The following PTPRD variants were observed in gnomAD, a reference collection of about 807,000 sequenced individuals.
PTPRD encodes the protein receptor-type tyrosine-protein phosphatase delta.
Under a neutral mutation model 214.5 loss-of-function variants are expected in PTPRD, and 34 were observed. That is an observed-to-expected ratio of 0.16 (90% CI 0.12 to 0.21). The LOEUF (loss-of-function observed/expected upper bound fraction) is 0.21. Ranked by LOEUF, PTPRD falls within the 10% of genes least tolerant of loss-of-function variation. PTPRD has a pLI of 1.00. For synonymous variants in PTPRD, 1,128 were observed against 845.7 expected, an observed-to-expected ratio of 1.33 and a Z score of -5.79; for missense variants, 2,545 against 2,398.7, an observed-to-expected ratio of 1.06 and a Z score of -1.27.
At position 9,881,713 on chromosome 9, in the gene PTPRD, C is replaced by G. The variant is rs975813071; in HGVS notation, c.-368+56794G>C. 6.6e-5 allele frequency among the ~76,000 whole-genome samples: 10 copies of G among 152,252 alleles called. No individual in the cohort carries two copies. In the South Asian group the frequency reaches 8.3e-4, roughly 13 times the overall value. On this transcript the variant is annotated intron_variant, in intron 5 of 45. Coordinates refer to ENST00000381196, the MANE Select transcript of PTPRD (RefSeq NM_002839.4). ...CTTTACCGCAACCGTCTCACACCCC[C>G]ACATCTCACTCTGTGACCTTCCAGG...
intron 2 of PTPRD, among the ~76,000 whole-genome samples, chr9:10,611,340 A>C (rs1376405275): frequency 2.0e-5 from 3 of 152,204 alleles, no homozygotes; most frequent in Non-Finnish European, 4.4e-5. Flanking sequence ...TAGATTCAGA[A>C]TCCATTTGGC....
At chr9:9,955,834 T>G (rs1587177459) in intron 4 of PTPRD, among the ~76,000 whole-genome samples, 1 of 152,112 alleles carries the variant, frequency 6.6e-6, no homozygotes, top group African/African-American at 2.4e-5. Context: ...TTTGGGTTCT[T>G]AAGAAAATAA....
chr9:9,491,463 A>G (rs923385133), intron 8 of PTPRD, among the ~76,000 whole-genome samples: 1 of 151,956 alleles, frequency 6.6e-6, no homozygotes, highest in Non-Finnish European at 1.5e-5. Flanking sequence ...TGTACAGAAT[A>G]CTCTTCCCAA....
intron 3 of PTPRD, among the ~76,000 whole-genome samples, chr9:10,309,188 T>C (rs75749048): frequency 0.021 from 3,178 of 152,126 alleles, 123 homozygotes; most frequent in African/African-American, 0.072. Flanking sequence ...TTCTAAACAA[T>C]TGAAGAGAAC....
At chr9:8,737,930 T>G (rs967810025) in intron 11 of PTPRD, among the ~76,000 whole-genome samples, 4 of 129,508 alleles carry the variant, frequency 3.1e-5, no homozygotes, top group African/African-American at 1.1e-4. Context: ...ATTATAGATG[T>G]GAGCCACTGC....
At chr9:9,030,521 T>C (rs913480821) in intron 10 of PTPRD, among the ~76,000 whole-genome samples, 1 of 151,730 alleles carries the variant, frequency 6.6e-6, no homozygotes, top group Non-Finnish European at 1.5e-5. Flanking sequence ...TGGCTGCCTC[T>C]CTAGGATTGC....
chr9:10,010,133 A>G lies in PTPRD; in HGVS notation c.-472+23585T>C, dbSNP rs114637336. 6.6e-3 allele frequency among the ~76,000 whole-genome samples: 996 copies of G among 152,026 alleles called. 10 individuals carry two copies. Among genetic ancestry groups the G allele is most frequent in the African/African-American group, 0.022 (910 of 41,506 alleles). ...GGTTGGTATTATTATCTTCATTTTA[A>G]GTTGAGAAAACAAATTTAGGAAATT... On this transcript the variant is annotated intron_variant, in intron 4 of 45. Transcript: ENST00000381196.
chr9:10,475,509 A>G (rs1310465858), intron 2 of PTPRD, among the ~76,000 whole-genome samples: 1 of 152,152 alleles, frequency 6.6e-6, no homozygotes, highest in Non-Finnish European at 1.5e-5. Context: ...CCAACCAAAA[A>G]AAAGCCCAGG....
chr9:9,613,272 T>A (rs2094640003), intron 7 of PTPRD, among the ~76,000 whole-genome samples: 1 of 151,508 alleles, frequency 6.6e-6, no homozygotes, highest in Admixed American at 6.6e-5. Flanking sequence ...ATTACATTGA[T>A]AATGAACATA....
At chr9:9,708,588 G>T (rs56273998) in intron 7 of PTPRD, among the ~76,000 whole-genome samples, 1 of 151,810 alleles carries the variant, frequency 6.6e-6, no homozygotes, top group Non-Finnish European at 1.5e-5. Flanking sequence ...AGGACAACCC[G>T]ATTTCAAAGT....
At chr9:9,134,791 C>G (rs1168924648) in intron 10 of PTPRD, among the ~76,000 whole-genome samples, 5 of 149,732 alleles carry the variant, frequency 3.3e-5, no homozygotes, top group African/African-American at 1.0e-4. Flanking sequence ...TCCTTGAAAT[C>G]TGGTATTTGG....
chr9:9,661,780 A>G (rs2096626750), intron 7 of PTPRD, among the ~76,000 whole-genome samples: 2 of 151,934 alleles, frequency 1.3e-5, no homozygotes, highest in Non-Finnish European at 3.0e-5. Flanking sequence ...AAAGAGAAGG[A>G]AAAAGGGAGA....
chr9:8,971,501 A>G (rs760121715), intron 11 of PTPRD, among the ~76,000 whole-genome samples: 4 of 151,802 alleles, frequency 2.6e-5, no homozygotes, highest in Admixed American at 6.6e-5. Flanking sequence ...CTAATTCACA[A>G]AGTTATTGTG....
intron 3 of PTPRD, among the ~76,000 whole-genome samples, chr9:10,325,036 T>C (rs2096618782): frequency 6.6e-6 from 1 of 152,054 alleles, no homozygotes; most frequent in African/African-American, 2.4e-5. Context: ...CCCTAGTATA[T>C]GTTAAAGTTG....
chr9:9,589,229 C>A (rs2092444438), intron 7 of PTPRD, among the ~76,000 whole-genome samples: 1 of 151,800 alleles, frequency 6.6e-6, no homozygotes, highest in Non-Finnish European at 1.5e-5. Context: ...AAACATAGCA[C>A]ATAGTAGCAT....
intron 39 of PTPRD, among the ~76,000 whole-genome samples, chr9:8,344,836 C>A (rs1046566289): frequency 6.6e-6 from 1 of 151,822 alleles, no homozygotes; most frequent in Admixed American, 6.6e-5. Context: ...ACAGTTAACT[C>A]TTATTAACGT....
intron 11 of PTPRD, among the ~76,000 whole-genome samples, chr9:8,912,725 T>A (rs984149274): frequency 4.6e-5 from 7 of 152,174 alleles, no homozygotes; most frequent in Admixed American, 3.3e-4. Flanking sequence ...TTTTAAAAAA[T>A]ATATTCATTG....
chr9:9,266,958 T>C (rs918455178), intron 9 of PTPRD, among the ~76,000 whole-genome samples: 1 of 151,004 alleles, frequency 6.6e-6, no homozygotes, highest in Non-Finnish European at 1.5e-5. Context: ...AGAGCATAAA[T>C]AAATGAAATA....
intron 8 of PTPRD, among the ~76,000 whole-genome samples, chr9:9,497,334 G>C (rs567419430): frequency 3.1e-4 from 47 of 152,228 alleles, no homozygotes; most frequent in African/African-American, 1.1e-3. Flanking sequence ...GGTCACTACA[G>C]TCCAATCTAT....
Sources: gnomAD v4.1 joint callset for allele counts (sites outside exome capture counted in the v4.1 genomes callset) on GRCh38, gnomAD v4.1.1 for gene constraint, MANE v1.5 for transcripts, NCBI Gene and HGNC (gene_info 2026-07-23, HGNC 2026-07-21) for gene names.